Variants in TCF7L1 observed in about 807,000 individuals in gnomAD.
The protein encoded by TCF7L1 is transcription factor 7 like 1, also known as transcription factor 7-like 1.
Under a neutral mutation model 63.7 loss-of-function variants are expected in TCF7L1, and 18 were observed. That is an observed-to-expected ratio of 0.28 (90% confidence interval 0.20 to 0.42). The LOEUF (loss-of-function observed/expected upper bound fraction) is 0.42, where lower values mean the gene tolerates loss of function less well. Ranked by LOEUF, TCF7L1 falls within the 10% of genes least tolerant of loss-of-function variation. The pLI, the probability that TCF7L1 is intolerant of heterozygous loss-of-function variation, is 1.00. For synonymous variants in TCF7L1, 355 were observed against 340.9 expected, an observed-to-expected ratio of 1.04 and a Z score of -0.46; for missense variants, 654 against 779.3, an observed-to-expected ratio of 0.84 and a Z score of 1.91.
intron 3 of TCF7L1, among the ~76,000 whole-genome samples, chr2:85,259,260 G>C (rs1388118371): frequency 6.6e-6 from 1 of 152,178 alleles, no homozygotes; most frequent in Non-Finnish European, 1.5e-5. Flanking sequence ...GTCAGTAAGC[G>C]CCCCGCCAAT....
intron 11 of TCF7L1, among the ~76,000 whole-genome samples, chr2:85,308,633 T>C (rs937362007): frequency 4.6e-5 from 7 of 151,206 alleles, no homozygotes; most frequent in Non-Finnish European, 7.4e-5. Flanking sequence ...GTGGAACCCG[T>C]ACCTGCTACA....
chr2:85,240,292 T>C (rs2104323178), intron 3 of TCF7L1, among the ~76,000 whole-genome samples: 1 of 152,324 alleles, frequency 6.6e-6, no homozygotes, highest in East Asian at 1.9e-4. Context: ...CACAAGGCTG[T>C]TGTGAACACA....
chr2:85,227,100 G>C (rs1030458226), intron 3 of TCF7L1, among the ~76,000 whole-genome samples: 3 of 152,188 alleles, frequency 2.0e-5, no homozygotes, highest in Non-Finnish European at 4.4e-5. Context: ...TCTCCAGAGT[G>C]AGTTGGTGCT....
chr2:85,213,020 G>C (rs1679610052), intron 3 of TCF7L1, among the ~76,000 whole-genome samples: 1 of 152,192 alleles, frequency 6.6e-6, no homozygotes, highest in South Asian at 2.1e-4. Flanking sequence ...TCCTGGAAGT[G>C]GGTGAGGTGT....
chr2:85,195,422 G>A (rs145331756), intron 3 of TCF7L1, among the ~76,000 whole-genome samples: 4 of 152,358 alleles, frequency 2.6e-5, no homozygotes, highest in Non-Finnish European at 5.9e-5. Context: ...TGCACTTCAT[G>A]CTGGGTGACA....
At chr2:85,136,825 T>C (rs1677606633) in intron 3 of TCF7L1, among the ~76,000 whole-genome samples, 1 of 152,222 alleles carries the variant, frequency 6.6e-6, no homozygotes. Flanking sequence ...CTTGGTTGTC[T>C]GGACTATAGG....
At chr2:85,298,421 G>A (rs1401370267) in intron 4 of TCF7L1, among the ~76,000 whole-genome samples, 1 of 148,062 alleles carries the variant, frequency 6.8e-6, no homozygotes, top group Non-Finnish European at 1.5e-5. Flanking sequence ...AACCTGGGAG[G>A]CGGAGGTTGC....
chr2:85,262,401 A>C (rs1680879855), intron 3 of TCF7L1: 2 of 388,790 alleles, frequency 5.1e-6, no homozygotes, highest in African/African-American at 4.3e-5. Flanking sequence ...AGAAAAAAAA[A>C]AAAACTAAAA....
At chr2:85,175,034 C>T (rs796168812) in intron 3 of TCF7L1, among the ~76,000 whole-genome samples, 33 of 152,338 alleles carry the variant, frequency 2.2e-4, no homozygotes, top group African/African-American at 7.7e-4. Context: ...ACCAAACCCT[C>T]ACTGTAACAT....
intron 3 of TCF7L1, among the ~76,000 whole-genome samples, chr2:85,245,229 G>A (rs548958050): frequency 6.6e-6 from 1 of 152,346 alleles, no homozygotes; most frequent in Admixed American, 6.5e-5. Context: ...TATCTGAGAA[G>A]ATTGGTGTAA....
chr2:85,174,578 A>G (rs1463232796), intron 3 of TCF7L1, among the ~76,000 whole-genome samples: 3 of 151,988 alleles, frequency 2.0e-5, no homozygotes, highest in African/African-American at 7.3e-5. Context: ...GCCTTCCCCC[A>G]TTTCTGTGGC....
At chr2:85,264,240 C>T (rs1249285525) in intron 3 of TCF7L1, among the ~76,000 whole-genome samples, 2 of 152,100 alleles carry the variant, frequency 1.3e-5, no homozygotes, top group Non-Finnish European at 2.9e-5. Flanking sequence ...TTTAATTCAG[C>T]GTGTATCTGA....
intron 3 of TCF7L1, among the ~76,000 whole-genome samples, chr2:85,239,897 G>A (rs1680283083): frequency 7.4e-6 from 1 of 135,208 alleles, no homozygotes; most frequent in Admixed American, 8.3e-5. Context: ...AATGAGCCAA[G>A]ATCGCGCCAC....
intron 3 of TCF7L1, among the ~76,000 whole-genome samples, chr2:85,235,296 A>C (rs562171174): frequency 6.6e-6 from 1 of 151,816 alleles, no homozygotes; most frequent in South Asian, 2.1e-4. Context: ...TATTAATCCA[A>C]AGCACTTGGA....
At chr2:85,305,531 C>A in intron 8 of TCF7L1, 128 bp downstream of exon 8, 1 of 1,161,798 alleles carries the variant, frequency 8.6e-7, no homozygotes, top group Non-Finnish European at 1.2e-6. Context: ...ACAGCCTCCC[C>A]AGCCAGGCCC....
chr2:85,187,894 T>C lies in TCF7L1; in HGVS notation c.441+53444T>C, dbSNP rs61192479. Among the ~76,000 whole-genome samples, 1,387 of 152,330 alleles carry C rather than the reference T, an allele frequency of 9.1e-3. 19 individuals are homozygous for C. Among genetic ancestry groups the C allele is most frequent in the African/African-American group, 0.031 (1,309 of 41,558 alleles). ...CAATCTGGAAACTATCCAGATGTTC[T>C]TCAGTGGTGTATGGTTGACCAAACT... is the stretch of plus-strand genomic sequence containing the variant. On this transcript the variant is annotated intron_variant, in intron 3 of 11. Transcript: ENST00000282111.
In TCF7L1 at chr2:85,309,557, C is replaced by A; in HGVS notation, c.*95C>A. 1 of 1,312,434 alleles carries A rather than the reference C, an allele frequency of 7.6e-7. No homozygotes were observed. The allele number at this position is 1,312,434 out of a possible 1,614,324, so 81.3% of individuals were successfully genotyped here. A position where few individuals can be genotyped will look rare whatever the true frequency, so the allele number is the denominator to read the frequency against. On this transcript the variant is annotated 3_prime_UTR_variant, in exon 12 of 12. Transcript: ENST00000282111. ...GGAGACTTTATTGGTCAATATTTGA[C>A]CACTCTGGACTGTTCTGTAAAGTGG...
chr2:85,164,879 C>T (rs189673002), intron 3 of TCF7L1, among the ~76,000 whole-genome samples: 4 of 152,178 alleles, frequency 2.6e-5, no homozygotes, highest in Admixed American at 2.6e-4. Context: ...TTATCCTTAG[C>T]AATTCTTAAT....
chr2:85,250,972 G>A (rs913246976), intron 3 of TCF7L1, among the ~76,000 whole-genome samples: 2 of 152,192 alleles, frequency 1.3e-5, no homozygotes, highest in East Asian at 3.9e-4. Flanking sequence ...CAGCAAAAAG[G>A]TGTTAAATAA....
Sources: allele counts gnomAD v4.1 joint callset (sites outside exome capture counted in the v4.1 genomes callset), GRCh38; gene constraint gnomAD v4.1.1; transcripts MANE v1.5; gene names NCBI Gene and HGNC (gene_info 2026-07-23, HGNC 2026-07-21).